Variants in ARHGEF26 observed in about 807,000 individuals in gnomAD.
ARHGEF26 encodes Rho guanine nucleotide exchange factor (GEF) 26.
ARHGEF26 carries 59 observed loss-of-function variants against 89.4 expected under a neutral mutation model. The ratio of observed to expected loss-of-function variants is 0.66; its 90% CI spans 0.54 to 0.82. The LOEUF (loss-of-function observed/expected upper bound fraction) is 0.82. ARHGEF26 is among the 40% of genes least tolerant of loss of function. The pLI is 0.00. For missense variants in ARHGEF26, 1,234 were observed against 1,085.6 expected (o/e 1.14, Z -1.92); for synonymous variants, 500 against 428.4 (o/e 1.17, Z -2.06).
chr3:154,221,386 A>G (rs1188430517), intron 10 of ARHGEF26, among the ~76,000 whole-genome samples: 5 of 152,232 alleles, frequency 3.3e-5, no homozygotes, highest in Non-Finnish European at 5.9e-5. Context: ...CTGGTGGGAA[A>G]GATTGTTTTA....
intron 11 of ARHGEF26, among the ~76,000 whole-genome samples, 155 bp from the exon 12 acceptor site, chr3:154,240,215 G>C (rs1717404101): frequency 6.6e-6 from 1 of 152,152 alleles, no homozygotes; most frequent in African/African-American, 2.4e-5. Flanking sequence ...TCAGTAGATA[G>C]AATTCAAATT....
intron 6 of ARHGEF26, among the ~76,000 whole-genome samples, chr3:154,156,083 C>T (rs1245358906): frequency 6.6e-6 from 1 of 151,788 alleles, no homozygotes; most frequent in Non-Finnish European, 1.5e-5. Context: ...TAATTTCTGT[C>T]TGTGTACTTA....
intron 4 of ARHGEF26, among the ~76,000 whole-genome samples, chr3:154,146,549 G>A (rs1576701452): frequency 6.6e-6 from 1 of 152,184 alleles, no homozygotes; most frequent in Non-Finnish European, 1.5e-5. Context: ...TTCTTTATTA[G>A]GTTTAGCCAA....
intron 8 of ARHGEF26, among the ~76,000 whole-genome samples, chr3:154,194,405 A>C (rs1435492783): frequency 6.6e-6 from 1 of 152,124 alleles, no homozygotes; most frequent in Non-Finnish European, 1.5e-5. Context: ...TGGGATTTGA[A>C]ACCAGGGTTA....
chr3:154,192,577 C>T (rs1454174612), intron 8 of ARHGEF26, among the ~76,000 whole-genome samples: 1 of 152,168 alleles, frequency 6.6e-6, no homozygotes, highest in Non-Finnish European at 1.5e-5. Flanking sequence ...GGGAAGCTTG[C>T]AGTTTTGAAC....
chr3:154,129,908 C>G (rs969624709), intron 4 of ARHGEF26, among the ~76,000 whole-genome samples, 189 bp downstream of exon 4: 10 of 152,130 alleles, frequency 6.6e-5, no homozygotes, highest in Non-Finnish European at 1.0e-4. Context: ...CACTTCTGAT[C>G]AGGAAAATTA....
intron 4 of ARHGEF26, among the ~76,000 whole-genome samples, chr3:154,140,304 C>A (rs1719280121): frequency 6.6e-6 from 1 of 152,194 alleles, no homozygotes; most frequent in African/African-American, 2.4e-5. Flanking sequence ...AGTACAAATT[C>A]TTTACTTTGT....
At position 154,255,838 on chromosome 3, in the gene ARHGEF26, C is replaced by CTCTT; in HGVS notation, c.*367_*370dup. 9.7e-7 allele frequency: 1 copy of CTCTT among 1,028,760 alleles called. No homozygotes were observed. Among genetic ancestry groups the CTCTT allele is most frequent in the Non-Finnish European group, 1.2e-6 (1 of 857,634 alleles). 63.7% of individuals were successfully genotyped at this position (1,028,760 alleles called of 1,614,324 possible). On this transcript the variant is annotated 3_prime_UTR_variant, in exon 15 of 15. Transcript: ENST00000465093. ...CCTTGCATTACTAAGGTGACTGTCTCTCTTTATACATCCTTGTATGGTTCT... is the reference window on the plus strand; with the variant it reads ...CCTTGCATTACTAAGGTGACTGTCTCTCTTTCTTTATACATCCTTGTATGGTTCT...
In ARHGEF26 at chr3:154,188,986, A is replaced by G. The variant is rs185335145; in HGVS notation, c.1640+1149A>G. On this transcript the variant is annotated intron_variant, in intron 7 of 14. Coordinates refer to ENST00000465093, the MANE Select transcript of ARHGEF26 (RefSeq NM_015595.4). ...ATGCTTAAGGGCATCCCTGGCTTCCATCTGCTAGATGCCAAAAATCTCCCC... is the reference window on the plus strand; with the variant it reads ...ATGCTTAAGGGCATCCCTGGCTTCCGTCTGCTAGATGCCAAAAATCTCCCC... Among the ~76,000 whole-genome samples the G allele has an allele frequency of 4.6e-3, 694 of 152,240 alleles. 3 individuals are homozygous for G. Among genetic ancestry groups the G allele is most frequent in the African/African-American group, 0.016 (663 of 41,530 alleles).
intron 3 of ARHGEF26, among the ~76,000 whole-genome samples, chr3:154,128,936 A>G (rs1718506942): frequency 6.6e-6 from 1 of 152,162 alleles, no homozygotes. Context: ...TATTTATTGC[A>G]GTTCTCTCAT....
rs191977389 is a variant in ARHGEF26, at chr3:154,227,863, T to G, written c.2090+1853T>G. Among the ~76,000 whole-genome samples the G allele has an allele frequency of 7.1e-4, 108 of 152,338 alleles. 1 individual carries two copies. The highest frequency in any genetic ancestry group is 2.4e-3 in the African/African-American group (99 of 41,580). On this transcript the variant is annotated intron_variant, in intron 11 of 14. Coordinates refer to ENST00000465093, the MANE Select transcript of ARHGEF26 (RefSeq NM_015595.4). The stretch of plus-strand genomic sequence containing the variant: ...GTACCAAGCCAATTTTAAATATAAA[T>G]GTAATTTCGATTATGATGACTTTGG...
chr3:154,227,217 C>T (rs551909506), intron 11 of ARHGEF26, among the ~76,000 whole-genome samples: 24 of 151,904 alleles, frequency 1.6e-4, no homozygotes, highest in African/African-American at 5.8e-4. Flanking sequence ...TAGGAAAATT[C>T]TATTTCCATA....
intron 4 of ARHGEF26, among the ~76,000 whole-genome samples, chr3:154,144,112 G>T (rs1043979907): frequency 1.3e-5 from 2 of 152,180 alleles, no homozygotes; most frequent in Non-Finnish European, 2.9e-5. Flanking sequence ...GCCAATGAGA[G>T]ATGTTGTTTC....
In ARHGEF26 at chr3:154,256,828, T is replaced by TTAAC. The variant is rs1718547987; in HGVS notation, c.*1357_*1360dup. On this transcript the variant is annotated 3_prime_UTR_variant, in exon 15 of 15. Transcript: ENST00000465093. ...TAACTTGCTGTATTCAGAGTCCCTC[T>TTAAC]TAACTGTGAGTTTCTATAGAACTTT... is the stretch of plus-strand genomic sequence containing the variant. 2 of 1,529,226 alleles carry TTAAC rather than the reference T, an allele frequency of 1.3e-6. No individual in the cohort carries two copies. Among genetic ancestry groups the TTAAC allele is most frequent in the African/African-American group, 1.4e-5 (1 of 72,664 alleles). The allele number at this position is 1,529,226 out of a possible 1,614,324, so 94.7% of individuals were successfully genotyped here.
intron 6 of ARHGEF26, among the ~76,000 whole-genome samples, chr3:154,159,216 A>G (rs776297861): frequency 6.6e-6 from 1 of 152,104 alleles, no homozygotes; most frequent in Non-Finnish European, 1.5e-5. Context: ...ATTTTTTTCA[A>G]TAACAGAGTG....
intron 6 of ARHGEF26, among the ~76,000 whole-genome samples, chr3:154,170,793 A>G (rs1020262661): frequency 1.3e-5 from 2 of 152,174 alleles, no homozygotes; most frequent in Admixed American, 1.3e-4. Context: ...GCCCAGGATA[A>G]TTTTAGTTGT....
chr3:154,226,145 C>A, intron 11 of ARHGEF26, 135 bp downstream of exon 11: 1 of 731,334 alleles, frequency 1.4e-6, no homozygotes, highest in Non-Finnish European at 2.1e-6. Context: ...ATCATAATTG[C>A]ATCTATGGTT....
In ARHGEF26 at chr3:154,256,729, CAAG is replaced by C. The variant is rs1718541911; in HGVS notation, c.*1260_*1262del. On this transcript the variant is annotated 3_prime_UTR_variant, in exon 15 of 15. Transcript: ENST00000465093. ...GGGAAAATTAGGCCTTAAAAGATAC[CAAG>C]AAGTCAGCATGGTACCCAATTGAAA... 2.2e-6 allele frequency: 3 copies of C among 1,374,742 alleles called. No individual in the cohort carries two copies. Among genetic ancestry groups the C allele is most frequent in the South Asian group, 3.8e-5 (2 of 53,234 alleles). The allele number at this position is 1,374,742 out of a possible 1,614,324, so 85.2% of individuals were successfully genotyped here. A position where few individuals can be genotyped will look rare whatever the true frequency, so the allele number is the denominator to read the frequency against.
intron 5 of ARHGEF26, among the ~76,000 whole-genome samples, chr3:154,152,422 C>G (rs1343879101): frequency 1.3e-5 from 2 of 152,122 alleles, no homozygotes; most frequent in Non-Finnish European, 2.9e-5. Flanking sequence ...GGAGATGACC[C>G]CAAAGGTTAA....
Sources: gnomAD v4.1 joint callset for allele counts (sites outside exome capture counted in the v4.1 genomes callset) on GRCh38, gnomAD v4.1.1 for gene constraint, MANE v1.5 for transcripts, NCBI Gene and HGNC (gene_info 2026-07-23, HGNC 2026-07-21) for gene names.